The following EXOC7 variants were observed in gnomAD, a reference collection of about 807,000 sequenced individuals.
EXOC7 encodes exocyst complex component 7.
A neutral mutation model predicts 87.6 loss-of-function variants in EXOC7; 51 were observed. The observed-to-expected ratio is 0.58, with a 90% confidence interval of 0.46 to 0.73. EXOC7 has a LOEUF of 0.73. Among genes scored for constraint, EXOC7 ranks in the 30% least tolerant of loss-of-function variants. EXOC7 has a pLI of 0.00. For synonymous variants in EXOC7, 327 were observed against 357.1 expected, an observed-to-expected ratio of 0.92 and a Z score of 0.95; for missense variants, 744 against 888.4, an observed-to-expected ratio of 0.84 and a Z score of 2.07.
chr17:76,103,737 CGGGCCCA>C lies in EXOC7; in HGVS notation c.-52_-46del, dbSNP rs2068201307. On this transcript the variant is annotated 5_prime_UTR_variant, in exon 1 of 19. Transcript: ENST00000589210. ...CCCACTCCCCAGTATCTTTCCTCCG[CGGGCCCA>C]CCGGGCCCCCGTCCCCGTCACACCC... 6.5e-7 allele frequency: 1 copy of C among 1,545,708 alleles called. No individual in the cohort carries two copies. The highest frequency in any genetic ancestry group is 2.0e-5 in the Admixed American group (1 of 50,630).
At chr17:76,096,135 C>T (rs930240275) in intron 5 of EXOC7, among the ~76,000 whole-genome samples, 4 of 152,154 alleles carry the variant, frequency 2.6e-5, no homozygotes, top group East Asian at 1.9e-4. Flanking sequence ...TGAGACCTGC[C>T]GCCACACAGT....
Position 76,081,402 on chromosome 17 carries a change from GGT to G in EXOC7, c.*2244_*2245del, listed in dbSNP as rs1567947234. The G allele has an allele frequency of 1.2e-6, 2 of 1,614,066 alleles. No individual in the cohort carries two copies. The highest frequency in any genetic ancestry group is 3.3e-5 in the Admixed American group (2 of 60,022). ...AGCTGGTGCCCTGCTTCCAGGTGAC[GGT>G]GAGTCAAGTCGGGAGGAGGCCGACA... On this transcript the variant is annotated 3_prime_UTR_variant, in exon 19 of 19. Transcript: ENST00000589210.
intron 5 of EXOC7, among the ~76,000 whole-genome samples, chr17:76,097,109 A>T (rs1025746342): frequency 9.9e-5 from 15 of 152,142 alleles, no homozygotes; most frequent in African/African-American, 3.6e-4. Context: ...CAGCCTCCCA[A>T]ACTGTTAGGA....
intron 10 of EXOC7, 72 bp from the exon 11 acceptor site, chr17:76,088,194 G>T: frequency 1.3e-6 from 2 of 1,491,362 alleles, no homozygotes; most frequent in South Asian, 2.3e-5. Context: ...ACCTGCTCAT[G>T]GTGCCGCCTC....
intron 2 of EXOC7, among the ~76,000 whole-genome samples, chr17:76,102,413 C>G (rs1009810853): frequency 1.1e-5 from 1 of 89,742 alleles, no homozygotes; most frequent in Admixed American, 1.4e-4. Flanking sequence ...TGTCTACACA[C>G]ACAGACACAC....
chr17:76,089,152 G>C, intron 8 of EXOC7, 23 bp downstream of exon 8: 1 of 1,611,360 alleles, frequency 6.2e-7, no homozygotes, highest in East Asian at 2.2e-5. Flanking sequence ...GCTGGCTGCA[G>C]AGCCCCCGGG....
At chr17:76,101,513 G>A in intron 3 of EXOC7, 137 bp from the exon 4 acceptor site, 10 of 1,368,956 alleles carry the variant, frequency 7.3e-6, no homozygotes, top group Non-Finnish European at 9.9e-6. Flanking sequence ...GCCTTTTAAG[G>A]CCTAGGGCTT....
intron 14 of EXOC7, 22 bp from the exon 15 acceptor site, chr17:76,085,431 A>G: frequency 2.5e-6 from 4 of 1,597,098 alleles, no homozygotes; most frequent in Non-Finnish European, 3.4e-6. Context: ...TAGGGGACAG[A>G]GGAGAGGAGG....
rs1024263053 is a variant in EXOC7, at chr17:76,086,833, C to A, written c.1430-688G>T. On this transcript the variant is annotated intron_variant, in intron 12 of 18. Coordinates refer to ENST00000589210, the MANE Select transcript of EXOC7 (RefSeq NM_001013839.4). ...CAAGCTTCAGAGGGACAGGAGGGGGCTGCAGAACCGCACTGCTTACCTCGG... is the reference window on the plus strand; with the variant it reads ...CAAGCTTCAGAGGGACAGGAGGGGGATGCAGAACCGCACTGCTTACCTCGG... 29 of 1,550,358 alleles carry A rather than the reference C, an allele frequency of 1.9e-5. No individual in the cohort carries two copies. The African/African-American group carries it at 2.6e-4, about 14-fold the overall frequency.
Position 76,082,145 on chromosome 17 carries a change from C to T in EXOC7, c.*1503G>A. 1.4e-6 allele frequency: 2 copies of T among 1,397,482 alleles called. No individual in the cohort carries two copies. The highest frequency in any genetic ancestry group is 1.3e-5 in the South Asian group (1 of 74,732). 86.6% of individuals were successfully genotyped at this position (1,397,482 alleles called of 1,614,324 possible). On this transcript the variant is annotated 3_prime_UTR_variant, in exon 19 of 19. Coordinates refer to ENST00000589210, the MANE Select transcript of EXOC7 (RefSeq NM_001013839.4). ...TCCAGGTGTGGGTAGAGGCCCCTTGCATCCACCCTGCTGGCTCTCCTGTCC... is the reference window on the plus strand; with the variant it reads ...TCCAGGTGTGGGTAGAGGCCCCTTGTATCCACCCTGCTGGCTCTCCTGTCC...
intron 15 of EXOC7, 185 bp downstream of exon 15, chr17:76,085,129 C>G (rs1257804585): frequency 1.7e-6 from 1 of 601,894 alleles, no homozygotes; most frequent in Non-Finnish European, 2.9e-6. Flanking sequence ...CCCCTAGGAG[C>G]AGGTAGTGGT....
chr17:76,088,740 CTG>C (rs1490183865), intron 9 of EXOC7, 29 bp downstream of exon 9: 2 of 1,612,252 alleles, frequency 1.2e-6, no homozygotes, highest in South Asian at 1.1e-5. Flanking sequence ...TGCCTCCTGG[CTG>C]TGTTTTTGAG....
Position 76,101,765 on chromosome 17 carries a change from C to T in EXOC7, c.225G>A (p.Glu75=). 1.2e-6 allele frequency: 2 copies of T among 1,614,120 alleles called. No individual in the cohort carries two copies. Among genetic ancestry groups the T allele is most frequent in the South Asian group, 2.2e-5 (2 of 91,076 alleles). ...GGCAGGACAGCGTCTTCTCAACATTCTCCTGCAGCCGCTGCAGATTCTCCG... is the reference window on the plus strand; with the variant it reads ...GGCAGGACAGCGTCTTCTCAACATTTTCCTGCAGCCGCTGCAGATTCTCCG... ...KQTENLQRLQ[E]NVEKTLSCLD... is the part of the protein sequence containing the mutation. The change falls in exon 3 of 19, where the codon GAG becomes GAA. Residue 75 remains glutamate (E), a synonymous_variant. Coordinates refer to ENST00000589210, the MANE Select transcript of EXOC7 (RefSeq NM_001013839.4).
chr17:76,087,906 T>G, intron 11 of EXOC7, 154 bp downstream of exon 11: 1 of 961,672 alleles, frequency 1.0e-6, no homozygotes, highest in Non-Finnish European at 1.6e-6. Flanking sequence ...ACACTAAACA[T>G]GTCACTGTCC....
At chr17:76,085,602 G>T (rs569461919) in intron 14 of EXOC7, 75 bp downstream of exon 14, 41 of 1,608,302 alleles carry the variant, frequency 2.5e-5, no homozygotes, top group African/African-American at 4.0e-5. Context: ...AGGAGCCCAG[G>T]GGGGCAGGGG....
chr17:76,088,709 C>A, intron 9 of EXOC7, 62 bp downstream of exon 9: 14 of 1,605,084 alleles, frequency 8.7e-6, no homozygotes, highest in Non-Finnish European at 1.2e-5. Context: ...AGGGATGGGG[C>A]GGCCACACCC....
intron 13 of EXOC7, 92 bp downstream of exon 13, chr17:76,085,988 C>T: frequency 6.5e-7 from 1 of 1,536,240 alleles, no homozygotes; most frequent in Non-Finnish European, 8.9e-7. Flanking sequence ...TAGGAGAGGG[C>T]CCTGGGAATA....
At position 76,088,459 on chromosome 17, in the gene EXOC7, G is replaced by A; in HGVS notation, c.1299+5C>T. ...GGGAGGGAGAAAGGGGAGGACAGCA[G>A]GGACCTTGATGTTGTCTGCGAAGTC... is the stretch of plus-strand genomic sequence containing the variant. On this transcript the variant is annotated splice_donor_5th_base_variant and intron_variant, in intron 10 of 18. Transcript: ENST00000589210. 2 of 1,613,044 alleles carry A rather than the reference G, an allele frequency of 1.2e-6. No homozygotes were observed. Among genetic ancestry groups the A allele is most frequent in the Non-Finnish European group, 8.5e-7 (1 of 1,179,340 alleles).
chr17:76,088,376 C>G, intron 10 of EXOC7, 88 bp downstream of exon 10: 1 of 1,360,204 alleles, frequency 7.4e-7, no homozygotes, highest in Non-Finnish European at 1.0e-6. Flanking sequence ...AACGCACCCT[C>G]TTGGAGGCCT....
Sources: gnomAD v4.1 joint callset for allele counts (sites outside exome capture counted in the v4.1 genomes callset) on GRCh38, gnomAD v4.1.1 for gene constraint, MANE v1.5 for transcripts, NCBI Gene and HGNC (gene_info 2026-07-23, HGNC 2026-07-21) for gene names.